Variants in RYR3 observed in about 807,000 individuals in gnomAD.
RYR3 encodes the protein brain ryanodine receptor-calcium release channel.
RYR3 carries 207 observed loss-of-function variants against 584.3 expected under a neutral mutation model. That is an observed-to-expected ratio of 0.35 (90% CI 0.32 to 0.40). The LOEUF (loss-of-function observed/expected upper bound fraction) is 0.40. RYR3 is among the 10% of genes least tolerant of loss of function. The probability of loss-of-function intolerance (pLI) is 1.00; values close to 1 mark genes in which losing one functional copy is unlikely to be tolerated. For missense variants in RYR3, 5,616 were observed against 6,089.2 expected, an observed-to-expected ratio of 0.92 and a Z score of 2.59; for synonymous variants, 2,416 against 2,248.5, an observed-to-expected ratio of 1.07 and a Z score of -2.11.
chr15:33,742,997 C>A (rs909236233), intron 52 of RYR3, among the ~76,000 whole-genome samples: 4 of 152,162 alleles, frequency 2.6e-5, no homozygotes, highest in African/African-American at 2.4e-5. Flanking sequence ...TAATAAGTTT[C>A]ATTGCTGTGT....
At chr15:33,852,080 A>G (rs2152996607) in intron 94 of RYR3, 1 of 34,638 alleles carries the variant, frequency 2.9e-5, no homozygotes, top group East Asian at 1.1e-3. Flanking sequence ...GTCAGTGAAT[A>G]GTAGGAGGTC....
At chr15:33,840,923 TAGATAATTCTTAGGCCAGGC>T (rs1264846508) in intron 90 of RYR3, 40 bp downstream of exon 90, 1 of 1,591,772 alleles carries the variant, frequency 6.3e-7, no homozygotes, top group Middle Eastern at 1.7e-4. Context: ...ATTGCTATGG[TAGATAATTCTTAGGCCAGGC>T]AGAGTGGCTC....
chr15:33,468,106 C>T (rs1030178628), intron 1 of RYR3, among the ~76,000 whole-genome samples: 1 of 152,182 alleles, frequency 6.6e-6, no homozygotes, highest in Non-Finnish European at 1.5e-5. Flanking sequence ...TAAGGTCTGG[C>T]TCTGTCACTT....
chr15:33,651,912 G>T (rs2062497545), intron 31 of RYR3, among the ~76,000 whole-genome samples: 1 of 152,176 alleles, frequency 6.6e-6, no homozygotes, highest in Non-Finnish European at 1.5e-5. Flanking sequence ...TGCCCACGGT[G>T]GGGGGCTCTG....
At chr15:33,834,130 A>G (rs2077869275) in intron 86 of RYR3, among the ~76,000 whole-genome samples, 1 of 152,126 alleles carries the variant, frequency 6.6e-6, no homozygotes, top group African/African-American at 2.4e-5. Context: ...AAAAATATAA[A>G]AAAATCAGCC....
At chr15:33,667,925 C>T (rs1291348642) in intron 36 of RYR3, among the ~76,000 whole-genome samples, 3 of 151,782 alleles carry the variant, frequency 2.0e-5, no homozygotes, top group Non-Finnish European at 4.4e-5. Flanking sequence ...TAGCTGAGTG[C>T]GGTGGTGCGC....
rs774742202 is a variant in RYR3, at chr15:33,646,407, G to A, written c.3822G>A (p.Lys1274=). The part of the protein sequence containing the change: ...DSPPCLKVTH[K]TFGTQNSNAD... Reference sequence around the variant, plus strand: ...CTCCGTGTCTCAAGGTGACGCATAAGACATTTGGCACACAGAATAGCAATG... The same window carrying A: ...CTCCGTGTCTCAAGGTGACGCATAAAACATTTGGCACACAGAATAGCAATG... The change falls in exon 29 of 104, where the codon AAG becomes AAA. Residue 1274 remains lysine, a synonymous_variant. Coordinates refer to ENST00000634891, the MANE Select transcript of RYR3 (RefSeq NM_001036.6). The A allele has an allele frequency of 2.1e-5, 34 of 1,613,774 alleles. No individual in the cohort carries two copies. Among genetic ancestry groups the A allele is most frequent in the Non-Finnish European group, 2.8e-5 (33 of 1,179,820 alleles).
intron 43 of RYR3, among the ~76,000 whole-genome samples, chr15:33,707,802 A>C (rs962979064): frequency 1.3e-5 from 2 of 152,318 alleles, no homozygotes; most frequent in Middle Eastern, 6.8e-3. Context: ...TGCAGCTAAC[A>C]CACAATCATG....
In RYR3 at chr15:33,729,035, C is replaced by A. The variant is rs1359491136; in HGVS notation, c.7203+9C>A. On this transcript the variant is annotated intron_variant, in intron 47 of 103. Coordinates refer to ENST00000634891, the MANE Select transcript of RYR3 (RefSeq NM_001036.6). The stretch of plus-strand genomic sequence containing the variant: ...CTGCCTCTCTAGATACAGTAAGTTG[C>A]AAAAATAACAAAAAATTATTGTTCC... 4 of 1,602,506 alleles carry A rather than the reference C, an allele frequency of 2.5e-6. No homozygotes were observed. Among genetic ancestry groups the A allele is most frequent in the Admixed American group, 1.7e-5 (1 of 57,654 alleles).
chr15:33,491,485 T>C (rs1016672496), intron 2 of RYR3, among the ~76,000 whole-genome samples: 2 of 152,206 alleles, frequency 1.3e-5, no homozygotes, highest in Admixed American at 1.3e-4. Flanking sequence ...GAGCAAGGAC[T>C]TTGCTTTTTG....
At chr15:33,590,972 C>T (rs932685169) in intron 16 of RYR3, among the ~76,000 whole-genome samples, 2 of 152,136 alleles carry the variant, frequency 1.3e-5, no homozygotes, top group Non-Finnish European at 2.9e-5. Flanking sequence ...AAAGCATGAT[C>T]AGATTTGAGG....
chr15:33,315,540 G>A (rs1242700902), intron 1 of RYR3, among the ~76,000 whole-genome samples: 7 of 152,130 alleles, frequency 4.6e-5, no homozygotes, highest in Non-Finnish European at 7.4e-5. Flanking sequence ...GACAAAACTC[G>A]GAATATTCCC....
rs373487219 is a variant in RYR3, at chr15:33,699,690, A to G, written c.6250-14A>G. ...TAGATTCTTTTGTCTGACACTTTCT[A>G]CTTCTCCCTACAGATTGCATTTCCA... On this transcript the variant is annotated splice_polypyrimidine_tract_variant and intron_variant, in intron 40 of 103. Transcript: ENST00000634891. 6.2e-7 allele frequency: 1 copy of G among 1,611,608 alleles called. No homozygotes were observed. The highest frequency in any genetic ancestry group is 1.3e-5 in the African/African-American group (1 of 74,996).
chr15:33,794,346 A>AC (rs1567185768), intron 67 of RYR3, among the ~76,000 whole-genome samples: 7 of 56,580 alleles, frequency 1.2e-4, no homozygotes, highest in African/African-American at 2.1e-4. Context: ...TATATATATA[A>AC]AAATATATAT....
intron 43 of RYR3, among the ~76,000 whole-genome samples, chr15:33,712,428 G>T (rs2067191063): frequency 6.6e-6 from 1 of 152,188 alleles, no homozygotes; most frequent in African/African-American, 2.4e-5. Context: ...TAGAGAGAAA[G>T]AAATAAGGAT....
intron 3 of RYR3, among the ~76,000 whole-genome samples, chr15:33,518,956 GA>G: frequency 6.6e-6 from 1 of 152,216 alleles, no homozygotes. Context: ...GCAAAGCACA[GA>G]AACCGGAGTG....
chr15:33,390,621 G>C lies in RYR3; in HGVS notation c.51+79525G>C, dbSNP rs1171920328. On this transcript the variant is annotated intron_variant, in intron 1 of 103. Coordinates refer to ENST00000634891, the MANE Select transcript of RYR3 (RefSeq NM_001036.6). This position sits in a 1 kb window ranked among gnomAD's most constrained non-coding sequence, Gnocchi z 4.2. ...AGAAGGGTCTGTCTGCAAGGGTGGG[G>C]GTCTTGGCCGACACCTGGGAACTTG... is the stretch of plus-strand genomic sequence containing the variant. Among the ~76,000 whole-genome samples, 1 of 152,122 alleles carries C rather than the reference G, an allele frequency of 6.6e-6. No homozygotes were observed. Among genetic ancestry groups the C allele is most frequent in the East Asian group, 1.9e-4 (1 of 5,184 alleles).
intron 62 of RYR3, among the ~76,000 whole-genome samples, chr15:33,769,525 A>T (rs2073394614): frequency 7.6e-6 from 1 of 130,852 alleles, no homozygotes; most frequent in South Asian, 3.0e-4. Flanking sequence ...AAAATGGCCA[A>T]GGAAGGAAAT....
intron 1 of RYR3, among the ~76,000 whole-genome samples, chr15:33,352,272 C>T (rs1452107127): frequency 6.6e-6 from 1 of 152,012 alleles, no homozygotes; most frequent in East Asian, 1.9e-4. Flanking sequence ...ATATTTTCCC[C>T]TTTCTGTGGC....
Sources: allele counts gnomAD v4.1 joint callset (sites outside exome capture counted in the v4.1 genomes callset), GRCh38; gene constraint gnomAD v4.1.1; non-coding constraint Gnocchi (gnomAD v3.1); transcripts MANE v1.5; gene names NCBI Gene and HGNC (gene_info 2026-07-23, HGNC 2026-07-21).